The following LHPP variants were observed in gnomAD, a reference collection of about 807,000 sequenced individuals.
LHPP encodes hLHPP.
LHPP carries 24 observed loss-of-function variants against 30.3 expected under a neutral mutation model. The observed-to-expected ratio is 0.79, with a 90% CI of 0.57 to 1.11. The LOEUF (loss-of-function observed/expected upper bound fraction) is 1.11, where lower values mean the gene tolerates loss of function less well. Ranked by LOEUF, LHPP falls within the 50% of genes most tolerant of loss-of-function variation. The pLI is 0.00. For synonymous variants in LHPP, 150 were observed against 157.1 expected, an observed-to-expected ratio of 0.95 and a Z score of 0.34; for missense variants, 356 against 367.2, an observed-to-expected ratio of 0.97 and a Z score of 0.25.
At chr10:124,563,138 T>C (rs903565409) in intron 6 of LHPP, among the ~76,000 whole-genome samples, 8 of 151,940 alleles carry the variant, frequency 5.3e-5, no homozygotes, top group Non-Finnish European at 1.2e-4. Context: ...ATCAGAGAAA[T>C]GAAAAATTAT....
intron 6 of LHPP, among the ~76,000 whole-genome samples, chr10:124,533,039 A>G (rs1954936542): frequency 6.6e-6 from 1 of 152,224 alleles, no homozygotes; most frequent in Non-Finnish European, 1.5e-5. Flanking sequence ...CTTACTTCCC[A>G]GGTATCCTCA....
intron 1 of LHPP, among the ~76,000 whole-genome samples, chr10:124,467,520 T>A (rs1247183838): frequency 8.4e-6 from 1 of 118,846 alleles, no homozygotes; most frequent in Non-Finnish European, 1.7e-5. Context: ...TTTCTTTTTC[T>A]TTTTTTTTTT....
At chr10:124,610,455 AGGGT>A (rs1949163246) in intron 6 of LHPP, among the ~76,000 whole-genome samples, 35 of 17,664 alleles carry the variant, frequency 2.0e-3, no homozygotes, top group African/African-American at 3.5e-3. Context: ...GGTGAGGGTG[AGGGT>A]GAGGGTGAGG....
intron 6 of LHPP, among the ~76,000 whole-genome samples, chr10:124,534,127 C>T (rs1452620685): frequency 1.3e-5 from 2 of 152,348 alleles, no homozygotes; most frequent in African/African-American, 4.8e-5. Flanking sequence ...CCCTCAGAGG[C>T]CCTAGGCGTG....
chr10:124,470,798 G>A (rs886662465), intron 1 of LHPP, among the ~76,000 whole-genome samples: 4 of 152,038 alleles, frequency 2.6e-5, no homozygotes, highest in African/African-American at 4.8e-5. Context: ...TGTAGGGAGA[G>A]GGCCATTTGT....
chr10:124,553,139 T>C (rs1246728403), intron 6 of LHPP, among the ~76,000 whole-genome samples: 2 of 152,254 alleles, frequency 1.3e-5, no homozygotes, highest in Non-Finnish European at 2.9e-5. Flanking sequence ...GGGACTCTGA[T>C]CAGGGACCCA....
intron 3 of LHPP, chr10:124,490,069 T>C (rs1355197925): frequency 5.8e-6 from 1 of 172,670 alleles, no homozygotes; most frequent in Non-Finnish European, 1.2e-5. Context: ...TCCATCTCTG[T>C]CTTTGGGTGT....
chr10:124,543,134 G>A (rs1317382885), intron 6 of LHPP, among the ~76,000 whole-genome samples: 2 of 152,204 alleles, frequency 1.3e-5, no homozygotes, highest in Admixed American at 6.5e-5. Flanking sequence ...GGCCTTGTCC[G>A]AGGGTTGACT....
intron 5 of LHPP, among the ~76,000 whole-genome samples, chr10:124,498,952 G>A (rs1953822062): frequency 6.6e-6 from 1 of 151,166 alleles, no homozygotes; most frequent in African/African-American, 2.4e-5. Flanking sequence ...CGCTGTCTCG[G>A]CTCACTGCAA....
intron 6 of LHPP, among the ~76,000 whole-genome samples, chr10:124,560,683 G>A (rs1229332450): frequency 7.2e-5 from 11 of 152,190 alleles, no homozygotes; most frequent in African/African-American, 2.2e-4. Flanking sequence ...AGCCGGGGAC[G>A]AGGGGCTGGA....
intron 5 of LHPP, among the ~76,000 whole-genome samples, chr10:124,500,592 G>A (rs1291075609): frequency 6.6e-6 from 1 of 151,612 alleles, no homozygotes; most frequent in Non-Finnish European, 1.5e-5. Context: ...CACGATTTTT[G>A]GATGTAAATA....
chr10:124,487,707 G>C (rs901013951), intron 2 of LHPP, among the ~76,000 whole-genome samples: 3 of 152,108 alleles, frequency 2.0e-5, no homozygotes, highest in Non-Finnish European at 4.4e-5. Context: ...ACCTCCCAAA[G>C]TGCTGGGATT....
Position 124,531,702 on chromosome 10 carries a change from T to C in LHPP, c.716+14431T>C, listed in dbSNP as rs992750728. Among the ~76,000 whole-genome samples, 2 of 152,380 alleles carry C rather than the reference T, an allele frequency of 1.3e-5. 1 individual carries two copies. The highest frequency in any genetic ancestry group is 1.3e-4 in the Admixed American group (2 of 15,306). ...GGTGCTGTGCTTGTTCTCATAGGCA[T>C]GTAATGTTGGTTTGCCCAAATATTG... On this transcript the variant is annotated intron_variant, in intron 6 of 6. Coordinates refer to ENST00000368842, the MANE Select transcript of LHPP (RefSeq NM_022126.4).
At chr10:124,488,363 G>A in intron 2 of LHPP, 59 bp from the exon 3 acceptor site, 1 of 1,488,912 alleles carries the variant, frequency 6.7e-7, no homozygotes, top group Non-Finnish European at 9.3e-7. Flanking sequence ...TAGGAGATGG[G>A]GAGGTAGGCC....
At position 124,613,348 on chromosome 10, in the gene LHPP, C is replaced by T. The variant is rs141944020; in HGVS notation, c.801C>T (p.His267=). ...AGGCAGTGGACCTGCTGCTGCAGCA[C>T]GCCGACAAGTGATGGCCTCCTGGGA... The part of the protein sequence containing the change: ...LAEAVDLLLQ[H]ADK Residue 267 remains histidine, a synonymous_variant, in exon 7 of 7, where the codon CAC becomes CAT. Transcript: ENST00000368842. The T allele has an allele frequency of 6.4e-4, 1,031 of 1,612,044 alleles. 5 individuals carry two copies. In the African/African-American group the frequency reaches 0.011, roughly 16 times the overall value.
Position 124,523,090 on chromosome 10 carries a change from G to A in LHPP, c.716+5819G>A, listed in dbSNP as rs78951545. Among the ~76,000 whole-genome samples the A allele has an allele frequency of 0.028, 4,280 of 152,314 alleles. 207 individuals are homozygous for A. The highest frequency in any genetic ancestry group is 0.097 in the African/African-American group (4,049 of 41,560). ...GCGCCACTGCCTGGGAAGCCCCTGC[G>A]CTAGTCCTGGTGCTGCTGTGTAAAT... On this transcript the variant is annotated intron_variant, in intron 6 of 6. Transcript: ENST00000368842. The surrounding 1 kb of genome is among the most constrained non-coding windows in gnomAD (Gnocchi z 4.2).
intron 6 of LHPP, among the ~76,000 whole-genome samples, chr10:124,598,000 C>T (rs1295655767): frequency 6.6e-6 from 1 of 152,326 alleles, no homozygotes; most frequent in Non-Finnish European, 1.5e-5. Context: ...GGCCCCGGCT[C>T]CTGGTGGGCC....
At chr10:124,530,389 C>T (rs892065112) in intron 6 of LHPP, among the ~76,000 whole-genome samples, 1 of 152,130 alleles carries the variant, frequency 6.6e-6, no homozygotes, top group Non-Finnish European at 1.5e-5. Context: ...TACACTCACC[C>T]GGGCCCACGT....
chr10:124,538,075 A>G (rs964390482), intron 6 of LHPP, among the ~76,000 whole-genome samples: 8 of 146,172 alleles, frequency 5.5e-5, no homozygotes, highest in Middle Eastern at 3.5e-3. Flanking sequence ...GGGTCCTCCC[A>G]CCTGCGGGGC....
Sources: gnomAD v4.1 joint callset for allele counts (sites outside exome capture counted in the v4.1 genomes callset) on GRCh38, gnomAD v4.1.1 for gene constraint, Gnocchi (gnomAD v3.1) non-coding constraint, MANE v1.5 for transcripts, NCBI Gene and HGNC (gene_info 2026-07-23, HGNC 2026-07-21) for gene names.